Variants in ARHGEF10L observed in about 807,000 individuals in gnomAD.
The protein encoded by ARHGEF10L is Rho guanine nucleotide exchange factor 10 like.
ARHGEF10L carries 69 observed loss-of-function variants against 141.2 expected under a neutral mutation model. The observed-to-expected ratio is 0.49, with a 90% CI of 0.40 to 0.60. ARHGEF10L has a LOEUF of 0.60. Among genes scored for constraint, ARHGEF10L ranks in the 20% least tolerant of loss-of-function variants. ARHGEF10L has a pLI of 0.00. For synonymous variants in ARHGEF10L, 711 were observed against 718.5 expected (o/e 0.99, Z 0.17); for missense variants, 1,482 against 1,734.3 (o/e 0.85, Z 2.58).
At chr1:17,610,951 GT>G (rs77658418) in intron 7 of ARHGEF10L, among the ~76,000 whole-genome samples, 55 of 147,832 alleles carry the variant, frequency 3.7e-4, no homozygotes, top group Middle Eastern at 3.6e-3. Context: ...AGGATCTGTG[GT>G]TTTTTTTTTT....
Position 17,603,683 on chromosome 1 carries a change from C to A in ARHGEF10L, c.433+92C>A. The stretch of plus-strand genomic sequence containing the variant: ...GTTGTCTCTTTCCGTTTCCTTCTGT[C>A]CCCACCTGGCCAAGTGCCCCTCCTT... On this transcript the variant is annotated intron_variant, in intron 6 of 28. Coordinates refer to ENST00000361221, the MANE Select transcript of ARHGEF10L (RefSeq NM_018125.4). The surrounding 1 kb of genome is among the most constrained non-coding windows in gnomAD (Gnocchi z 4.8). 8.7e-7 allele frequency: 1 copy of A among 1,153,792 alleles called. No homozygotes were observed. The highest frequency in any genetic ancestry group is 1.2e-6 in the Non-Finnish European group (1 of 833,970). 71.5% of individuals were successfully genotyped at this position (1,153,792 alleles called of 1,614,324 possible).
Position 17,640,224 on chromosome 1 carries a change from A to C in ARHGEF10L, c.2194A>C (p.Met732Leu). 1.9e-6 allele frequency: 3 copies of C among 1,612,656 alleles called. No homozygotes were observed. Among genetic ancestry groups the C allele is most frequent in the Non-Finnish European group, 2.5e-6 (3 of 1,179,448 alleles). ...CAGGTCCGGCCGCCCCATTAGCTTC[A>C]TGGTGGTTTTCATCACCCCCAACCC... Reference protein sequence around the residue: ...PDKSGRPISFMVVFITPNPLS... With the variant: ...PDKSGRPISFLVVFITPNPLS... The change falls in exon 21 of 29, where the codon ATG becomes CTG. Residue 732 changes from methionine (M) to leucine (L), a missense_variant. This residue lies in a region of ARHGEF10L where 858 missense variants were observed against 966.3 expected (regional missense o/e 0.89). Coordinates refer to ENST00000361221, the MANE Select transcript of ARHGEF10L (RefSeq NM_018125.4).
At position 17,573,782 on chromosome 1, in the gene ARHGEF10L, C is replaced by T. The variant is rs1171609080; in HGVS notation, c.-43-6771C>T. ...CCCAGGGCCCCCTCCCCAGTGCTCC[C>T]CACTCTTCCTGCCTGCAGATCCTCA... On this transcript the variant is annotated intron_variant, in intron 1 of 28. Transcript: ENST00000361221. This position sits in a 1 kb window ranked among gnomAD's most constrained non-coding sequence, Gnocchi z 4.8. Among the ~76,000 whole-genome samples, 3 of 151,956 alleles carry T rather than the reference C, an allele frequency of 2.0e-5. No homozygotes were observed. Among genetic ancestry groups the T allele is most frequent in the African/African-American group, 4.8e-5 (2 of 41,370 alleles).
At chr1:17,687,397 G>A (rs1430282424) in intron 26 of ARHGEF10L, among the ~76,000 whole-genome samples, 176 bp from the exon 27 acceptor site, 1 of 152,188 alleles carries the variant, frequency 6.6e-6, no homozygotes, top group Non-Finnish European at 1.5e-5. Flanking sequence ...GCACAGCTGG[G>A]CTTCTAAGAT....
At chr1:17,632,579 T>C (rs2060762334) in intron 16 of ARHGEF10L, 113 bp downstream of exon 16, 1 of 1,399,436 alleles carries the variant, frequency 7.1e-7, no homozygotes, top group South Asian at 1.2e-5. Context: ...GAGCTTGGTT[T>C]AGGCTTCCAA....
intron 22 of ARHGEF10L, among the ~76,000 whole-genome samples, chr1:17,653,721 G>A (rs2062068311): frequency 6.6e-6 from 1 of 152,220 alleles, no homozygotes; most frequent in Admixed American, 6.5e-5. Context: ...AGAATAGAAA[G>A]AGCCCTGAAC....
chr1:17,561,535 C>G (rs981981318), intron 1 of ARHGEF10L, among the ~76,000 whole-genome samples: 1 of 152,224 alleles, frequency 6.6e-6, no homozygotes, highest in African/African-American at 2.4e-5. Context: ...CAAACCCTGA[C>G]AGCAGAAGTG....
At chr1:17,618,674 C>T (rs1415200287) in intron 9 of ARHGEF10L, among the ~76,000 whole-genome samples, 5 of 152,224 alleles carry the variant, frequency 3.3e-5, no homozygotes, top group Non-Finnish European at 5.9e-5. Context: ...TCCCCTCTCC[C>T]GGCACCTGTA....
intron 1 of ARHGEF10L, among the ~76,000 whole-genome samples, chr1:17,578,590 G>A (rs758420809): frequency 2.0e-5 from 3 of 152,216 alleles, no homozygotes; most frequent in Non-Finnish European, 2.9e-5. Flanking sequence ...GGGAGGCTGA[G>A]GCGAGAGGAT....
rs12567916 is a variant in ARHGEF10L, at chr1:17,614,397, T to G, written c.726+1223T>G. 8.7e-4 allele frequency among the ~76,000 whole-genome samples: 132 copies of G among 152,230 alleles called. 2 individuals are homozygous for G. The East Asian group carries it at 0.018, about 21-fold the overall frequency. On this transcript the variant is annotated intron_variant, in intron 8 of 28. Coordinates refer to ENST00000361221, the MANE Select transcript of ARHGEF10L (RefSeq NM_018125.4). ...TTCGGCCACACACTGTGGGAATGGGTGGATTCGGCAGGTGTACTCGGGGAC... is the reference window on the plus strand; with the variant it reads ...TTCGGCCACACACTGTGGGAATGGGGGGATTCGGCAGGTGTACTCGGGGAC...
intron 16 of ARHGEF10L, chr1:17,634,228 G>A: frequency 2.0e-6 from 1 of 503,810 alleles, no homozygotes; most frequent in Non-Finnish European, 3.5e-6. Flanking sequence ...AGCGCAAAGT[G>A]CAAAGTGGGG....
chr1:17,574,411 CA>C (rs1158815687), intron 1 of ARHGEF10L, among the ~76,000 whole-genome samples: 1 of 152,184 alleles, frequency 6.6e-6, no homozygotes, highest in East Asian at 1.9e-4. Flanking sequence ...CTTAGTTTAG[CA>C]GTCTGTAAAA....
intron 22 of ARHGEF10L, among the ~76,000 whole-genome samples, chr1:17,653,938 T>C (rs12563842): frequency 0.33 from 50,619 of 152,196 alleles, 9,239 homozygotes; most frequent in African/African-American, 0.48. Context: ...CTGGGGCCTT[T>C]AGCACCAGCA....
chr1:17,566,284 TC>T (rs1362433710), intron 1 of ARHGEF10L, among the ~76,000 whole-genome samples: 2 of 152,016 alleles, frequency 1.3e-5, no homozygotes, highest in African/African-American at 2.4e-5. Flanking sequence ...GCCAGTAGTG[TC>T]CCCCCTCCCC....
chr1:17,529,423 G>A, the ARHGEF10L span, among the ~76,000 whole-genome samples: 1 of 152,210 alleles, frequency 6.6e-6, no homozygotes, highest in Non-Finnish European at 1.5e-5. Flanking sequence ...GGTGACATAG[G>A]GCAGACCCCA....
At chr1:17,547,444 C>T (rs1185745152) in intron 1 of ARHGEF10L, among the ~76,000 whole-genome samples, 13 of 152,202 alleles carry the variant, frequency 8.5e-5, no homozygotes. Flanking sequence ...AGTCCTGGTT[C>T]TAGTCGCTGG....
chr1:17,566,117 C>T (rs922257368), intron 1 of ARHGEF10L, among the ~76,000 whole-genome samples: 1 of 152,210 alleles, frequency 6.6e-6, no homozygotes, highest in Non-Finnish European at 1.5e-5. Context: ...AACAGGCCAG[C>T]GTCTGCTATA....
intron 26 of ARHGEF10L, among the ~76,000 whole-genome samples, chr1:17,670,427 A>T (rs2063251429): frequency 6.6e-6 from 1 of 152,230 alleles, no homozygotes; most frequent in South Asian, 2.1e-4. Context: ...TCTAGATCGC[A>T]CCGCCTTCAA....
rs2062137354 is a variant in ARHGEF10L at position 17,654,935 on chromosome 1, AAAAG to A, written c.2481+215_2481+218del. Among the ~76,000 whole-genome samples the A allele has an allele frequency of 6.6e-6, 1 of 152,204 alleles. No homozygotes were observed. Among genetic ancestry groups the A allele is most frequent in the Non-Finnish European group, 1.5e-5 (1 of 68,018 alleles). ...GGGGCAACAGAAAACCAGGGAGCTA[AAAAG>A]AGAGTGTGCCTTTTGCAAATGGTGA... On this transcript the variant is annotated intron_variant, in intron 23 of 28. Transcript: ENST00000361221. This position sits in a 1 kb window ranked among gnomAD's most constrained non-coding sequence, Gnocchi z 4.3.
Sources: allele counts gnomAD v4.1 joint callset (sites outside exome capture counted in the v4.1 genomes callset), GRCh38; gene constraint gnomAD v4.1.1; regional missense constraint gnomAD v4.1.1; non-coding constraint Gnocchi (gnomAD v3.1); transcripts MANE v1.5; gene names NCBI Gene and HGNC (gene_info 2026-07-23, HGNC 2026-07-21).